CTNNB1: variants seen among roughly 807,000 people sequenced by gnomAD.
CTNNB1 encodes the protein catenin beta-1.
In CTNNB1, 6 loss-of-function variants were observed where a neutral mutation model predicts 82.5. The observed-to-expected ratio is 0.07, with a 90% CI of 0.04 to 0.14. CTNNB1 has a LOEUF of 0.14. CTNNB1 is among the 10% of genes least tolerant of loss of function. The probability of loss-of-function intolerance (pLI) is 1.00; values close to 1 mark genes in which losing one functional copy is unlikely to be tolerated. For missense variants in CTNNB1, 529 were observed against 980.4 expected (o/e 0.54, Z 6.15); for synonymous variants, 312 against 329.7 (o/e 0.95, Z 0.58).
At chr3:41,223,791 T>C (rs2078107955) in intron 1 of CTNNB1, among the ~76,000 whole-genome samples, 4 of 152,160 alleles carry the variant, frequency 2.6e-5, no homozygotes, top group Non-Finnish European at 5.9e-5. Context: ...ATACTATTAA[T>C]AAAAAGACAT....
At chr3:41,210,320 G>A (rs916361061) in intron 1 of CTNNB1, among the ~76,000 whole-genome samples, 18 of 152,248 alleles carry the variant, frequency 1.2e-4, no homozygotes, top group African/African-American at 4.3e-4. Flanking sequence ...CGGGCGTGGT[G>A]GCGGGCACCT....
Position 41,239,319 on chromosome 3 carries a change from G to T in CTNNB1, c.2323G>T (p.Ala775Ser), listed in dbSNP as rs1312540894. ...GLPPGDSNQL[A>S]WFDTDL ...GCCTCCAGGTGACAGCAATCAGCTG[G>T]CCTGGTTTGATACTGACCTGTAAAT... Residue 775 changes from alanine (A) to serine (S), a missense_variant, in exon 15 of 15, where the codon GCC (alanine) becomes TCC (serine). This residue lies in a region of CTNNB1 where 102 missense variants were observed against 130.8 expected (regional missense o/e 0.78). Transcript: ENST00000349496. 6.2e-7 allele frequency: 1 copy of T among 1,614,126 alleles called. No individual in the cohort carries two copies.
At chr3:41,219,089 C>CTCTGAGA (rs2077980594) in intron 1 of CTNNB1, among the ~76,000 whole-genome samples, 1 of 152,122 alleles carries the variant, frequency 6.6e-6, no homozygotes, top group Non-Finnish European at 1.5e-5. Context: ...GAGATAAAGC[C>CTCTGAGA]TATTCAGGAT....
Position 41,239,202 on chromosome 3 carries a change from G to C in CTNNB1, c.2206G>C (p.Glu736Gln). The change falls in exon 15 of 15, where the codon GAA becomes CAA. Residue 736 changes from glutamate to glutamine, a missense_variant. Glu to Gln is a conservative substitution (Grantham distance 29). Transcript: ENST00000349496. ...QDALGMDPMM[E>Q]HEMGGHHPGA... The stretch of plus-strand genomic sequence containing the variant: ...TGCCTTGGGTATGGACCCCATGATG[G>C]AACATGAGATGGGTGGCCACCACCC... 2 of 1,614,176 alleles carry C rather than the reference G, an allele frequency of 1.2e-6. No individual in the cohort carries two copies. The highest frequency in any genetic ancestry group is 1.7e-6 in the Non-Finnish European group (2 of 1,180,016).
At position 41,221,339 on chromosome 3, in the gene CTNNB1, C is replaced by CTT. The variant is rs35012062; in HGVS notation, c.-48-2669_-48-2668dup. 713 of 145,380 alleles carry CTT rather than the reference C, an allele frequency of 4.9e-3. 8 individuals carry two copies. The highest frequency in any genetic ancestry group is 0.035 in the Middle Eastern group (10 of 282). 9.0% of individuals were successfully genotyped at this position (145,380 alleles called of 1,614,324 possible). On this transcript the variant is annotated intron_variant, in intron 1 of 14. Transcript: ENST00000349496. ...GTTGAAACAGTGGTATTTATGTATC[C>CTT]TTTTTTTTTTTTTTAAATTCTTTTA...
At position 41,229,876 on chromosome 3, in the gene CTNNB1, CTGTG is replaced by C. The variant is rs58153157; in HGVS notation, c.1081+2552_1081+2555del. On this transcript the variant is annotated intron_variant, in intron 7 of 14. Transcript: ENST00000349496. ...GGTTTGTACTAGGGCCTCTTGGGTT[CTGTG>C]TGTGTGTGTGTGTGTGTGTGTGTGT... 2.9e-3 allele frequency among the ~76,000 whole-genome samples: 422 copies of C among 147,168 alleles called. 3 individuals are homozygous for C. Among genetic ancestry groups the C allele is most frequent in the Middle Eastern group, 0.011 (3 of 284 alleles).
intron 2 of CTNNB1, 23 bp from the exon 3 acceptor site, chr3:41,224,503 C>T (rs1299753537): frequency 1.3e-6 from 2 of 1,577,026 alleles, no homozygotes; most frequent in Non-Finnish European, 1.7e-6. Context: ...TCTACTAATG[C>T]TAATACTGTT....
intron 14 of CTNNB1, among the ~76,000 whole-genome samples, chr3:41,238,856 A>T (rs1173003234): frequency 2.0e-5 from 3 of 152,122 alleles, no homozygotes; most frequent in Non-Finnish European, 4.4e-5. Flanking sequence ...GTAAATGCAG[A>T]GTGTTCAGGG....
At chr3:41,227,447 T>C (rs2125628934) in intron 7 of CTNNB1, 95 bp downstream of exon 7, 8 of 1,279,840 alleles carry the variant, frequency 6.3e-6, no homozygotes, top group Non-Finnish European at 9.0e-6. Flanking sequence ...CTTTAACTAC[T>C]GAAAATAAAT....
chr3:41,216,408 G>A (rs1194133918), intron 1 of CTNNB1, among the ~76,000 whole-genome samples: 1 of 152,194 alleles, frequency 6.6e-6, no homozygotes, highest in Non-Finnish European at 1.5e-5. Flanking sequence ...CACTTTAACA[G>A]AATAGGAGCT....
At chr3:41,208,440 C>G (rs1023933456) in intron 1 of CTNNB1, among the ~76,000 whole-genome samples, 1 of 152,140 alleles carries the variant, frequency 6.6e-6, no homozygotes, top group Admixed American at 6.5e-5. Flanking sequence ...TGTCTTTTAT[C>G]TGTAACTCTG....
chr3:41,239,178 G>A lies in CTNNB1; in HGVS notation c.2182G>A (p.Ala728Thr), dbSNP rs797045504. The A allele has an allele frequency of 6.2e-7, 1 of 1,614,190 alleles. No homozygotes were observed. Among genetic ancestry groups the A allele is most frequent in the South Asian group, 1.1e-5 (1 of 91,080 alleles). The change falls in exon 15 of 15, where the codon GCC becomes ACC. Residue 728 changes from alanine to threonine, a missense_variant. Ala to Thr is a moderately conservative substitution (Grantham distance 58). Transcript: ENST00000349496. ...SFHSGGYGQD[A>T]LGMDPMMEHE... ...TCACTCTGGTGGATATGGCCAGGATGCCTTGGGTATGGACCCCATGATGGA... is the reference window on the plus strand; with the variant it reads ...TCACTCTGGTGGATATGGCCAGGATACCTTGGGTATGGACCCCATGATGGA...
chr3:41,230,692 G>C (rs2078286113), intron 7 of CTNNB1, among the ~76,000 whole-genome samples: 1 of 152,142 alleles, frequency 6.6e-6, no homozygotes, highest in Admixed American at 6.5e-5. Context: ...TCCTTGAAAA[G>C]GGGATGTTAA....
At chr3:41,209,569 A>G (rs915467929) in intron 1 of CTNNB1, among the ~76,000 whole-genome samples, 1 of 152,210 alleles carries the variant, frequency 6.6e-6, no homozygotes, top group Admixed American at 6.5e-5. Flanking sequence ...ACATTCAGAA[A>G]TGCGTCATTA....
chr3:41,228,478 G>A (rs1008786687), intron 7 of CTNNB1, among the ~76,000 whole-genome samples: 4 of 152,132 alleles, frequency 2.6e-5, no homozygotes, highest in Non-Finnish European at 1.5e-5. Context: ...CAGTGATGTC[G>A]AGCTTTTCTT....
intron 1 of CTNNB1, among the ~76,000 whole-genome samples, chr3:41,213,599 CTATTGG>C (rs1399898313): frequency 6.6e-6 from 1 of 152,054 alleles, no homozygotes; most frequent in Non-Finnish European, 1.5e-5. Context: ...TGTATTTATG[CTATTGG>C]TATTGCTATG....
chr3:41,214,278 G>A (rs2077865373), intron 1 of CTNNB1, among the ~76,000 whole-genome samples: 1 of 151,918 alleles, frequency 6.6e-6, no homozygotes, highest in Non-Finnish European at 1.5e-5. Flanking sequence ...GAACCTCTTG[G>A]CCATCTGTAT....
Position 41,239,362 on chromosome 3 carries a change from G to A in CTNNB1, c.*20G>A, listed in dbSNP as rs770959242. The stretch of plus-strand genomic sequence containing the variant: ...CTGTAAATCATCCTTTAGGTAAGAA[G>A]TTTTAAAAAGCCAGTTTGGGTAAAA... On this transcript the variant is annotated 3_prime_UTR_variant, in exon 15 of 15. Transcript: ENST00000349496. 8.7e-6 allele frequency: 14 copies of A among 1,607,522 alleles called. No homozygotes were observed. In the East Asian group the frequency reaches 1.3e-4, roughly 15 times the overall value.
At chr3:41,208,033 C>A (rs1232574710) in intron 1 of CTNNB1, among the ~76,000 whole-genome samples, 1 of 152,158 alleles carries the variant, frequency 6.6e-6, no homozygotes, top group Non-Finnish European at 1.5e-5. Flanking sequence ...ACCTGCAAAC[C>A]TTCCTGGGTC....
Sources: gnomAD v4.1 joint callset for allele counts (sites outside exome capture counted in the v4.1 genomes callset) on GRCh38, gnomAD v4.1.1 for gene constraint, gnomAD v4.1.1 regional missense constraint, MANE v1.5 for transcripts, NCBI Gene and HGNC (gene_info 2026-07-23, HGNC 2026-07-21) for gene names.